Variants in ARHGAP24 observed in about 807,000 individuals in gnomAD.
ARHGAP24 encodes Rho GTPase activating protein 24.
A neutral mutation model predicts 76.4 loss-of-function variants in ARHGAP24; 50 were observed. That is an observed-to-expected ratio of 0.65 (90% CI 0.52 to 0.83). The LOEUF (loss-of-function observed/expected upper bound fraction) is 0.83. Among genes scored for constraint, ARHGAP24 ranks in the 40% least tolerant of loss-of-function variants. ARHGAP24 has a pLI of 0.00. For missense variants in ARHGAP24, 930 were observed against 914.2 expected (o/e 1.02, Z -0.22); for synonymous variants, 345 against 323.3 (o/e 1.07, Z -0.72).
intron 2 of ARHGAP24, among the ~76,000 whole-genome samples, chr4:85,602,090 G>C (rs1436822628): frequency 2.0e-5 from 3 of 152,178 alleles, no homozygotes; most frequent in Admixed American, 6.5e-5. Context: ...CTTTCTGCGT[G>C]ATAGAGCTTT....
chr4:85,845,913 T>A (rs906524995), intron 3 of ARHGAP24, among the ~76,000 whole-genome samples: 4 of 152,158 alleles, frequency 2.6e-5, no homozygotes, highest in South Asian at 4.1e-4. Context: ...TTCTTTTTCT[T>A]TTTTCTTTTG....
chr4:85,925,177 T>C (rs1204440033), intron 4 of ARHGAP24, among the ~76,000 whole-genome samples: 1 of 152,234 alleles, frequency 6.6e-6, no homozygotes, highest in Non-Finnish European at 1.5e-5. Context: ...TGGAAAATTC[T>C]AAATATAAAC....
intron 2 of ARHGAP24, among the ~76,000 whole-genome samples, chr4:85,652,870 A>T (rs2109982808): frequency 6.6e-6 from 1 of 152,246 alleles, no homozygotes; most frequent in African/African-American, 2.4e-5. Context: ...TTATGTGATT[A>T]TTGTGACAAA....
intron 1 of ARHGAP24, among the ~76,000 whole-genome samples, chr4:85,540,614 C>A (rs1325348479): frequency 6.6e-6 from 1 of 151,946 alleles, no homozygotes; most frequent in African/African-American, 2.4e-5. Context: ...ATATATATAC[C>A]CTTGTAACAA....
At chr4:85,578,749 T>TATC (rs3028042) in intron 2 of ARHGAP24, among the ~76,000 whole-genome samples, 146,326 of 151,354 alleles carry the variant, frequency 0.97, 70,928 homozygotes, top group South Asian at 1. Context: ...TTGATGTTAC[T>TATC]ATCATCATCA....
At chr4:85,770,258 T>G (rs1008828111) in intron 3 of ARHGAP24, among the ~76,000 whole-genome samples, 2 of 152,190 alleles carry the variant, frequency 1.3e-5, no homozygotes, top group Non-Finnish European at 2.9e-5. Flanking sequence ...GGAAGAAATC[T>G]TCTTCTGTAT....
intron 1 of ARHGAP24, among the ~76,000 whole-genome samples, chr4:85,531,437 G>A (rs1725255604): frequency 6.6e-6 from 1 of 152,010 alleles, no homozygotes; most frequent in Admixed American, 6.6e-5. Flanking sequence ...AAGAGATGAG[G>A]AGTGTATTCC....
At chr4:85,861,613 C>T (rs1214097872) in intron 3 of ARHGAP24, among the ~76,000 whole-genome samples, 2 of 152,082 alleles carry the variant, frequency 1.3e-5, no homozygotes, top group African/African-American at 4.8e-5. Context: ...GTATAAATGA[C>T]ATGTTCACCT....
chr4:85,667,918 C>A (rs758475611), intron 2 of ARHGAP24, among the ~76,000 whole-genome samples: 4 of 152,062 alleles, frequency 2.6e-5, no homozygotes, highest in Non-Finnish European at 5.9e-5. Flanking sequence ...TTAAATTGAG[C>A]GTAGGGTCTG....
chr4:85,931,021 C>T (rs377522479), intron 4 of ARHGAP24: 39 of 1,613,122 alleles, frequency 2.4e-5, no homozygotes, highest in South Asian at 1.9e-4. Flanking sequence ...AAGAATCAAA[C>T]GGTGTTTTAG....
Position 85,643,296 on chromosome 4 carries a change from G to A in ARHGAP24, c.180+72575G>A, listed in dbSNP as rs1255003879. On this transcript the variant is annotated intron_variant, in intron 2 of 9. Coordinates refer to ENST00000395184, the MANE Select transcript of ARHGAP24 (RefSeq NM_001025616.3). Reference sequence around the variant, plus strand: ...AGACGGAGTCTCGCTCTGTCGCCCAGGCTGGACTGCGGACTGCAGTGGCGC... The same window carrying A: ...AGACGGAGTCTCGCTCTGTCGCCCAAGCTGGACTGCGGACTGCAGTGGCGC... Among the ~76,000 whole-genome samples, 4 of 65,782 alleles carry A rather than the reference G, an allele frequency of 6.1e-5. 1 individual carries two copies. Among genetic ancestry groups the A allele is most frequent in the Admixed American group, 2.5e-4 (1 of 3,996 alleles). The allele number at this position is 65,782 out of a possible 152,430, so 43.2% of individuals were successfully genotyped here. A position where few individuals can be genotyped will look rare whatever the true frequency, so the allele number is the denominator to read the frequency against.
At chr4:85,529,285 C>T (rs1725156446) in intron 1 of ARHGAP24, among the ~76,000 whole-genome samples, 1 of 151,998 alleles carries the variant, frequency 6.6e-6, no homozygotes, top group Non-Finnish European at 1.5e-5. Flanking sequence ...TGGCATGCTA[C>T]TCCTAAGTCT....
intron 2 of ARHGAP24, among the ~76,000 whole-genome samples, chr4:85,625,817 T>C (rs1720929552): frequency 6.6e-6 from 1 of 152,206 alleles, no homozygotes; most frequent in Admixed American, 6.5e-5. Flanking sequence ...CCCTTTACCA[T>C]TATGTAATGG....
intron 2 of ARHGAP24, among the ~76,000 whole-genome samples, chr4:85,711,442 T>C (rs1189267805): frequency 1.3e-5 from 2 of 152,200 alleles, no homozygotes; most frequent in Non-Finnish European, 2.9e-5. Flanking sequence ...TCTCTGCATA[T>C]TACTTTTATT....
intron 2 of ARHGAP24, among the ~76,000 whole-genome samples, chr4:85,598,397 T>C (rs1719912129): frequency 6.6e-6 from 1 of 152,040 alleles, no homozygotes; most frequent in Non-Finnish European, 1.5e-5. Flanking sequence ...CTTAACACCC[T>C]CTCTTTCATT....
At chr4:85,887,798 A>C (rs949624013) in intron 3 of ARHGAP24, among the ~76,000 whole-genome samples, 1 of 152,160 alleles carries the variant, frequency 6.6e-6, no homozygotes, top group South Asian at 2.1e-4. Context: ...TCATGTACCT[A>C]TGACAAGTGA....
At chr4:85,716,426 A>G (rs1342606040) in intron 2 of ARHGAP24, among the ~76,000 whole-genome samples, 1 of 152,148 alleles carries the variant, frequency 6.6e-6, no homozygotes, top group Non-Finnish European at 1.5e-5. Context: ...CTTATCAGGA[A>G]TAAAAATACG....
chr4:85,663,432 G>T (rs1176635266), intron 2 of ARHGAP24, among the ~76,000 whole-genome samples: 2 of 148,718 alleles, frequency 1.3e-5, no homozygotes, highest in East Asian at 1.9e-4. Context: ...AGACAATGGG[G>T]TTTCCTAGAT....
At chr4:85,528,272 GT>G (rs1167431053) in intron 1 of ARHGAP24, among the ~76,000 whole-genome samples, 3 of 152,034 alleles carry the variant, frequency 2.0e-5, no homozygotes, top group Non-Finnish European at 2.9e-5. Context: ...ATAATACATT[GT>G]GCTTAATGTA....
Sources: allele counts gnomAD v4.1 joint callset (sites outside exome capture counted in the v4.1 genomes callset), GRCh38; gene constraint gnomAD v4.1.1; transcripts MANE v1.5; gene names NCBI Gene and HGNC (gene_info 2026-07-23, HGNC 2026-07-21).